The following MNAT1 variants were observed in gnomAD, a reference collection of about 807,000 sequenced individuals.
The protein encoded by MNAT1 is MNAT1 component of CDK activating kinase.
MNAT1 carries 43 observed loss-of-function variants against 42.0 expected under a neutral mutation model. The ratio of observed to expected loss-of-function variants is 1.02; its 90% CI spans 0.80 to 1.32. The LOEUF is 1.32. Among genes scored for constraint, MNAT1 ranks in the 40% most tolerant of loss-of-function variants. The pLI is 0.00. For missense variants in MNAT1, 306 were observed against 350.4 expected, an observed-to-expected ratio of 0.87 and a Z score of 1.01; for synonymous variants, 118 against 120.0, an observed-to-expected ratio of 0.98 and a Z score of 0.11.
At chr14:60,791,187 TGTTA>T (rs1404750886) in intron 1 of MNAT1, among the ~76,000 whole-genome samples, 2 of 152,316 alleles carry the variant, frequency 1.3e-5, no homozygotes, top group East Asian at 3.9e-4. Context: ...ATTATTTGCT[TGTTA>T]GTTGAAAATT....
intron 6 of MNAT1, among the ~76,000 whole-genome samples, chr14:60,842,530 A>G (rs1326462436): frequency 6.6e-6 from 1 of 152,176 alleles, no homozygotes; most frequent in African/African-American, 2.4e-5. Flanking sequence ...TCTGGAAACC[A>G]TTGATTCTTA....
intron 6 of MNAT1, among the ~76,000 whole-genome samples, chr14:60,862,525 C>A (rs1414603591): frequency 6.6e-6 from 1 of 152,166 alleles, no homozygotes; most frequent in Non-Finnish European, 1.5e-5. Flanking sequence ...AGAACAGGTT[C>A]AACTTGTCCG....
chr14:60,860,394 C>G (rs2034068200), intron 6 of MNAT1, among the ~76,000 whole-genome samples: 1 of 145,978 alleles, frequency 6.9e-6, no homozygotes, highest in Admixed American at 6.8e-5. Flanking sequence ...ACTCTGTCGC[C>G]TAGGCTGGAG....
chr14:60,758,147 A>C (rs2030438297), intron 1 of MNAT1, among the ~76,000 whole-genome samples: 1 of 151,850 alleles, frequency 6.6e-6, no homozygotes, highest in Admixed American at 6.6e-5. Context: ...TAACTTCCAA[A>C]TTACAGATTT....
intron 3 of MNAT1, among the ~76,000 whole-genome samples, chr14:60,807,308 AGC>A (rs1212616371): frequency 1.3e-5 from 2 of 152,186 alleles, no homozygotes; most frequent in African/African-American, 4.8e-5. Context: ...AACTCTTATA[AGC>A]TATTAAAGGA....
At chr14:60,849,844 C>CT (rs879394549) in intron 6 of MNAT1, among the ~76,000 whole-genome samples, 27 of 146,238 alleles carry the variant, frequency 1.8e-4, no homozygotes, top group Admixed American at 4.8e-4. Context: ...TTCTTTCTTT[C>CT]TTTTTTTTTT....
intron 6 of MNAT1, among the ~76,000 whole-genome samples, chr14:60,822,124 C>G (rs2032906699): frequency 6.6e-6 from 1 of 152,128 alleles, no homozygotes; most frequent in Non-Finnish European, 1.5e-5. Flanking sequence ...GGCTAGCCCT[C>G]TTAGATAGTC....
At chr14:60,779,061 T>G (rs2031352101) in intron 1 of MNAT1, among the ~76,000 whole-genome samples, 1 of 152,176 alleles carries the variant, frequency 6.6e-6, no homozygotes, top group Non-Finnish European at 1.5e-5. Flanking sequence ...TTTTAAGCCA[T>G]GCCTGCTGTC....
chr14:60,763,082 ATTCATACCT>A (rs1368818323), intron 1 of MNAT1, among the ~76,000 whole-genome samples: 6 of 152,256 alleles, frequency 3.9e-5, no homozygotes, highest in African/African-American at 1.4e-4. Flanking sequence ...AACACTGCAG[ATTCATACCT>A]GGCTTTTTCT....
intron 2 of MNAT1, among the ~76,000 whole-genome samples, chr14:60,797,726 G>A (rs2032063259): frequency 1.3e-5 from 2 of 152,130 alleles, no homozygotes; most frequent in African/African-American, 4.8e-5. Flanking sequence ...CAGAGTTTGA[G>A]ACCAGCCTGG....
intron 7 of MNAT1, among the ~76,000 whole-genome samples, chr14:60,902,651 C>T (rs1465150719): frequency 6.6e-6 from 1 of 152,050 alleles, no homozygotes; most frequent in Non-Finnish European, 1.5e-5. Flanking sequence ...AAACACCAAT[C>T]CTTTTGGGAT....
rs182074831 is a variant in MNAT1, at chr14:60,780,991, G to A, written c.90-15226G>A. On this transcript the variant is annotated intron_variant, in intron 1 of 7. Coordinates refer to ENST00000261245, the MANE Select transcript of MNAT1 (RefSeq NM_002431.4). ...TATTTAATTATAAAATACAGCAAAG[G>A]AAGTCTAAATATTCAGAATCTTTGT... 9.9e-5 allele frequency among the ~76,000 whole-genome samples: 15 copies of A among 152,280 alleles called. No homozygotes were observed. The East Asian group carries it at 1.2e-3, about 12-fold the overall frequency.
chr14:60,890,169 C>G (rs150726517), intron 7 of MNAT1, among the ~76,000 whole-genome samples: 2,511 of 152,286 alleles, frequency 0.016, 36 homozygotes, highest in East Asian at 0.09. Context: ...TATTGCGGCA[C>G]TATTCACAAT....
intron 7 of MNAT1, among the ~76,000 whole-genome samples, chr14:60,937,857 C>T (rs576485648): frequency 3.9e-5 from 6 of 152,134 alleles, no homozygotes; most frequent in African/African-American, 7.2e-5. Context: ...TCTTCCTACC[C>T]ATGAGCATGG....
intron 7 of MNAT1, among the ~76,000 whole-genome samples, chr14:60,895,020 T>C (rs528827653): frequency 6.6e-6 from 1 of 152,284 alleles, no homozygotes; most frequent in African/African-American, 2.4e-5. Flanking sequence ...CAAAATAGAA[T>C]GTGTAACTCA....
intron 6 of MNAT1, among the ~76,000 whole-genome samples, chr14:60,874,913 T>C (rs1432145286): frequency 6.6e-6 from 1 of 152,154 alleles, no homozygotes; most frequent in South Asian, 2.1e-4. Flanking sequence ...TTAAAAAACA[T>C]ATCAATGAGT....
chr14:60,760,773 C>G (rs1473280387), intron 1 of MNAT1, among the ~76,000 whole-genome samples: 1 of 152,210 alleles, frequency 6.6e-6, no homozygotes, highest in Non-Finnish European at 1.5e-5. Context: ...TCGTTCTCCT[C>G]TTGTCTGGTA....
rs4151237 is a variant in MNAT1 at position 60,825,198 on chromosome 14, T to C, written c.687+6351T>C. Among the ~76,000 whole-genome samples the C allele has an allele frequency of 5.2e-3, 792 of 152,146 alleles. 14 individuals carry two copies. The highest frequency in any genetic ancestry group is 0.018 in the African/African-American group (743 of 41,520). ...AGTGACTGGTGAAAGAATATGTAGA[T>C]TAAAATCACAACACAGCACTAAATA... On this transcript the variant is annotated intron_variant, in intron 6 of 7. Coordinates refer to ENST00000261245, the MANE Select transcript of MNAT1 (RefSeq NM_002431.4).
At chr14:60,862,072 G>A (rs1369967834) in intron 6 of MNAT1, among the ~76,000 whole-genome samples, 1 of 152,324 alleles carries the variant, frequency 6.6e-6, no homozygotes, top group Non-Finnish European at 1.5e-5. Context: ...ACCTATGAGA[G>A]TGTTGTAGCA....
Sources: allele counts gnomAD v4.1 joint callset (sites outside exome capture counted in the v4.1 genomes callset), GRCh38; gene constraint gnomAD v4.1.1; transcripts MANE v1.5; gene names NCBI Gene and HGNC (gene_info 2026-07-23, HGNC 2026-07-21).